Variants in ZNF710 observed in about 807,000 individuals in gnomAD.
The protein encoded by ZNF710 is zinc finger protein 710.
In ZNF710, 13 loss-of-function variants were observed where a neutral mutation model predicts 50.6. The ratio of observed to expected loss-of-function variants is 0.26; its 90% confidence interval spans 0.17 to 0.41. ZNF710 has a LOEUF of 0.41. Ranked by LOEUF, ZNF710 falls within the 10% of genes least tolerant of loss-of-function variation. ZNF710 has a pLI of 1.00. For missense variants in ZNF710, 721 were observed against 936.6 expected, an observed-to-expected ratio of 0.77 and a Z score of 3.01; for synonymous variants, 383 against 397.0, an observed-to-expected ratio of 0.96 and a Z score of 0.42.
rs568204220 is a variant in ZNF710 at position 90,062,756 on chromosome 15, G to A, written c.-28-4354G>A. On this transcript the variant is annotated intron_variant, in intron 1 of 4. Coordinates refer to ENST00000268154, the MANE Select transcript of ZNF710 (RefSeq NM_198526.4). This position sits in a 1 kb window ranked among gnomAD's most constrained non-coding sequence, Gnocchi z 5.6. ...CTCCCCACTCCTCATTTCCGTGTGC[G>A]ATAGGCAGGCAGAACACACATGCGA... 9.8e-5 allele frequency among the ~76,000 whole-genome samples: 15 copies of A among 152,298 alleles called. No homozygotes were observed. Among genetic ancestry groups the A allele is most frequent in the Non-Finnish European group, 1.6e-4 (11 of 68,018 alleles).
At chr15:90,030,084 C>T (rs949550356) in intron 1 of ZNF710, among the ~76,000 whole-genome samples, 1 of 151,572 alleles carries the variant, frequency 6.6e-6, no homozygotes, top group Non-Finnish European at 1.5e-5. Flanking sequence ...AATCCCAACA[C>T]TTTGGGAGGC....
intron 1 of ZNF710, among the ~76,000 whole-genome samples, chr15:90,054,824 A>G (rs1437177444): frequency 1.3e-5 from 2 of 152,188 alleles, no homozygotes; most frequent in East Asian, 3.9e-4. Flanking sequence ...GAGGAAAGAT[A>G]TGGAGCCCTC....
At chr15:90,019,086 T>G (rs1015152180) in intron 1 of ZNF710, among the ~76,000 whole-genome samples, 5 of 151,722 alleles carry the variant, frequency 3.3e-5, no homozygotes, top group Non-Finnish European at 7.4e-5. Flanking sequence ...AAACCACCTA[T>G]AATTATTAAT....
intron 1 of ZNF710, among the ~76,000 whole-genome samples, chr15:90,044,720 C>T (rs1251273845): frequency 6.6e-6 from 1 of 152,152 alleles, no homozygotes; most frequent in Non-Finnish European, 1.5e-5. Flanking sequence ...CTCTGAGAGC[C>T]GACATATGCT....
At chr15:89,999,117 T>G (rs1050057792), upstream of ZNF710, among the ~76,000 whole-genome samples, 2 of 152,158 alleles carry the variant, frequency 1.3e-5, no homozygotes, top group Admixed American at 1.3e-4. Flanking sequence ...CAGACTGTTC[T>G]CTCCCATGCA....
intron 1 of ZNF710, among the ~76,000 whole-genome samples, chr15:90,054,284 T>C (rs917679801): frequency 7.3e-5 from 11 of 150,382 alleles, no homozygotes; most frequent in Admixed American, 6.0e-4. Context: ...AGGGGAGGAA[T>C]GGAGGGAGAG....
rs529073196 is a variant in ZNF710 at position 90,063,064 on chromosome 15, C to T, written c.-28-4046C>T. Among the ~76,000 whole-genome samples the T allele has an allele frequency of 7.2e-5, 11 of 152,270 alleles. No homozygotes were observed. In the South Asian group the frequency reaches 2.3e-3, roughly 32 times the overall value. Reference sequence around the variant, plus strand: ...GAAGGAGAGACCCCAGTTCCCCCAGCCGGCTGGGGCCCTGGACCAGCCAGC... The same window carrying T: ...GAAGGAGAGACCCCAGTTCCCCCAGTCGGCTGGGGCCCTGGACCAGCCAGC... On this transcript the variant is annotated intron_variant, in intron 1 of 4. Coordinates refer to ENST00000268154, the MANE Select transcript of ZNF710 (RefSeq NM_198526.4).
intron 1 of ZNF710, among the ~76,000 whole-genome samples, chr15:90,030,459 T>C (rs7166908): frequency 0.6 from 90,511 of 151,838 alleles, 28,278 homozygotes; most frequent in African/African-American, 0.73. Context: ...AACTTGACTT[T>C]CAGCAAATCG....
chr15:90,028,590 A>C (rs1898844013), intron 1 of ZNF710, among the ~76,000 whole-genome samples: 1 of 152,238 alleles, frequency 6.6e-6, no homozygotes, highest in Non-Finnish European at 1.5e-5. Context: ...AACTTGCCCC[A>C]GTTGACACAG....
At position 90,062,963 on chromosome 15, in the gene ZNF710, A is replaced by C. The variant is rs148468056; in HGVS notation, c.-28-4147A>C. The stretch of plus-strand genomic sequence containing the variant: ...GGGTGGTGTGTGTTCTACTCAGCCA[A>C]GTCTCCAGGCCAGTGTAAAAGAAAG... On this transcript the variant is annotated intron_variant, in intron 1 of 4. Coordinates refer to ENST00000268154, the MANE Select transcript of ZNF710 (RefSeq NM_198526.4). The surrounding 1 kb of genome is among the most constrained non-coding windows in gnomAD (Gnocchi z 5.6). Among the ~76,000 whole-genome samples, 216 of 152,274 alleles carry C rather than the reference A, an allele frequency of 1.4e-3. No individual in the cohort carries two copies. Among genetic ancestry groups the C allele is most frequent in the African/African-American group, 4.7e-3 (195 of 41,566 alleles).
At chr15:90,066,474 A>ATTTTTTTTTTTTT (rs71461840) in intron 1 of ZNF710, among the ~76,000 whole-genome samples, 1 of 120,522 alleles carries the variant, frequency 8.3e-6, no homozygotes. Context: ...ATTTTTAAGG[A>ATTTTTTTTTTTTT]TTTTTTTTTT....
At position 90,073,135 on chromosome 15, in the gene ZNF710, G is replaced by A. The variant is rs1434456281; in HGVS notation, c.1523G>A (p.Arg508Gln). ...TTCACCCTACAGGCGAACATGAAGCGGCACATGCTGATCCACACCAGCGTC... is the reference window on the plus strand; with the variant it reads ...TTCACCCTACAGGCGAACATGAAGCAGCACATGCTGATCCACACCAGCGTC... Reference protein sequence around the residue: ...REFTLQANMKRHMLIHTSVRP... With the variant: ...REFTLQANMKQHMLIHTSVRP... The change falls in exon 3 of 5, where the codon CGG (arginine) becomes CAG (glutamine). Residue 508 changes from arginine (R) to glutamine (Q), a missense_variant. Around this residue, in one of 3 missense-constraint regions of ZNF710, gnomAD observed 326 missense variants for 522.0 expected, o/e 0.62. Coordinates refer to ENST00000268154, the MANE Select transcript of ZNF710 (RefSeq NM_198526.4). 1 of 1,614,074 alleles carries A rather than the reference G, an allele frequency of 6.2e-7. No homozygotes were observed. Among genetic ancestry groups the A allele is most frequent in the Non-Finnish European group, 8.5e-7 (1 of 1,180,012 alleles).
chr15:90,012,217 A>G (rs906641305), intron 1 of ZNF710, among the ~76,000 whole-genome samples: 1 of 151,772 alleles, frequency 6.6e-6, no homozygotes, highest in African/African-American at 2.4e-5. Context: ...AGAAAAAAAA[A>G]AAGAAAAAGA....
intron 1 of ZNF710, among the ~76,000 whole-genome samples, chr15:90,012,951 A>G (rs1297629125): frequency 6.6e-6 from 1 of 152,100 alleles, no homozygotes; most frequent in Non-Finnish European, 1.5e-5. Flanking sequence ...ATCATATTAA[A>G]CACGTTTATT....
chr15:90,038,714 T>TGC lies in ZNF710; in HGVS notation c.-28-28395_-28-28394insCG. ...TAGAACAGCCTCCCTGCTCTGTGTG[T>TGC]GTGTGTGTGTGTGTGTGTGTGTGTG... is the stretch of plus-strand genomic sequence containing the variant. On this transcript the variant is annotated intron_variant, in intron 1 of 4. Transcript: ENST00000268154. 5.5e-5 allele frequency among the ~76,000 whole-genome samples: 8 copies of TGC among 144,330 alleles called. No individual in the cohort carries two copies. In the South Asian group the frequency reaches 1.7e-3, roughly 31 times the overall value. 94.7% of individuals were successfully genotyped at this position (144,330 alleles called of 152,430 possible).
In ZNF710 at chr15:90,014,954, G is replaced by A. The variant is rs190083768; in HGVS notation, c.-29+13340G>A. On this transcript the variant is annotated intron_variant, in intron 1 of 4. Transcript: ENST00000268154. ...GTTGCCCAGGCTGAAGTACAATGGC[G>A]CGATCTTGCCTCACCGCAGCCTCTG... Among the ~76,000 whole-genome samples, 356 of 149,768 alleles carry A rather than the reference G, an allele frequency of 2.4e-3. 1 individual carries two copies. The highest frequency in any genetic ancestry group is 8.2e-3 in the African/African-American group (332 of 40,608).
intron 1 of ZNF710, among the ~76,000 whole-genome samples, chr15:90,004,102 G>C (rs1434123942): frequency 2.0e-5 from 3 of 152,032 alleles, no homozygotes; most frequent in African/African-American, 7.2e-5. Flanking sequence ...TCCAGGGCTT[G>C]GGTCATTTCC....
chr15:90,015,299 T>C (rs1457118589), intron 1 of ZNF710, among the ~76,000 whole-genome samples: 1 of 152,214 alleles, frequency 6.6e-6, no homozygotes, highest in African/African-American at 2.4e-5. Flanking sequence ...ACACAAGTTT[T>C]CTGTGGAGAT....
At chr15:90,012,208 GA>G (rs1281045821) in intron 1 of ZNF710, among the ~76,000 whole-genome samples, 211 of 108,106 alleles carry the variant, frequency 2.0e-3, no homozygotes, top group African/African-American at 5.9e-3. Context: ...CATCTCAAAA[GA>G]AAAAAAAAAA....
Sources: gnomAD v4.1 joint callset for allele counts (sites outside exome capture counted in the v4.1 genomes callset) on GRCh38, gnomAD v4.1.1 for gene constraint, gnomAD v4.1.1 regional missense constraint, Gnocchi (gnomAD v3.1) non-coding constraint, MANE v1.5 for transcripts, NCBI Gene and HGNC (gene_info 2026-07-23, HGNC 2026-07-21) for gene names.